The following TMEM132B variants were observed in gnomAD, a reference collection of about 807,000 sequenced individuals.
The protein encoded by TMEM132B is transmembrane protein 132B.
A neutral mutation model predicts 90.8 loss-of-function variants in TMEM132B; 18 were observed. The observed-to-expected ratio is 0.20, with a 90% CI of 0.14 to 0.29. The LOEUF (loss-of-function observed/expected upper bound fraction) is 0.29. Among genes scored for constraint, TMEM132B ranks in the 10% least tolerant of loss-of-function variants. The pLI, the probability that TMEM132B is intolerant of heterozygous loss-of-function variation, is 1.00. For missense variants in TMEM132B, 1,096 were observed against 1,326.8 expected (o/e 0.83, Z 2.70); for synonymous variants, 504 against 523.3 (o/e 0.96, Z 0.50).
intron 5 of TMEM132B, among the ~76,000 whole-genome samples, chr12:125,638,670 A>G (rs147860332): frequency 0.013 from 1,984 of 152,170 alleles, 34 homozygotes; most frequent in African/African-American, 0.044. Context: ...GGGAAGCCCA[A>G]CGTGCAGTCA....
chr12:125,572,009 C>T (rs1592999865), intron 4 of TMEM132B, among the ~76,000 whole-genome samples: 1 of 152,302 alleles, frequency 6.6e-6, no homozygotes, highest in East Asian at 1.9e-4. Context: ...GGAACAGTTT[C>T]CTAGTCTTTG....
chr12:125,548,956 GAA>G (rs1566070173), intron 4 of TMEM132B, among the ~76,000 whole-genome samples: 1 of 152,126 alleles, frequency 6.6e-6, no homozygotes, highest in Non-Finnish European at 1.5e-5. Context: ...TACCCTGTGA[GAA>G]AATAACTTGG....
At chr12:125,374,633 AC>A (rs986913693) in intron 2 of TMEM132B, among the ~76,000 whole-genome samples, 1 of 150,152 alleles carries the variant, frequency 6.7e-6, no homozygotes, top group African/African-American at 2.5e-5. Flanking sequence ...TCTGCCCTGC[AC>A]CCCCCGACCC....
chr12:125,630,111 G>A (rs1214221865), intron 5 of TMEM132B, among the ~76,000 whole-genome samples: 1 of 151,980 alleles, frequency 6.6e-6, no homozygotes, highest in Non-Finnish European at 1.5e-5. Context: ...TTTTTCTGAT[G>A]TCTTTGCCTG....
chr12:125,217,756 C>T (rs1873470002), intron 1 of TMEM132B, among the ~76,000 whole-genome samples: 2 of 152,182 alleles, frequency 1.3e-5, no homozygotes, highest in Admixed American at 1.3e-4. Context: ...GCCTGGCCTT[C>T]CTTCCTTTAA....
chr12:125,362,743 C>T (rs768240593), intron 2 of TMEM132B, among the ~76,000 whole-genome samples: 1 of 152,164 alleles, frequency 6.6e-6, no homozygotes, highest in Non-Finnish European at 1.5e-5. Flanking sequence ...TTGGCTTATT[C>T]ATCTATGACT....
At chr12:125,326,476 A>T in intron 1 of TMEM132B, 1 of 867,396 alleles carries the variant, frequency 1.2e-6, no homozygotes, top group East Asian at 2.7e-5. Context: ...GGAGCACATG[A>T]GCTCTGACAT....
chr12:125,519,349 A>G, intron 3 of TMEM132B, 90 bp from the exon 4 acceptor site: 1 of 1,352,868 alleles, frequency 7.4e-7, no homozygotes, highest in South Asian at 1.4e-5. Flanking sequence ...CTTTTGGTTG[A>G]CAAATAAGAA....
intron 3 of TMEM132B, among the ~76,000 whole-genome samples, chr12:125,420,657 C>G (rs926373406): frequency 2.6e-5 from 4 of 152,212 alleles, no homozygotes; most frequent in Non-Finnish European, 5.9e-5. Flanking sequence ...TTTGACTCCT[C>G]ATTACATATG....
chr12:125,570,507 C>G (rs1421839823), intron 4 of TMEM132B, among the ~76,000 whole-genome samples: 1 of 152,236 alleles, frequency 6.6e-6, no homozygotes, highest in Non-Finnish European at 1.5e-5. Context: ...CGGTCCTTAA[C>G]AGAGTCACAT....
intron 4 of TMEM132B, among the ~76,000 whole-genome samples, chr12:125,537,507 C>T (rs890826871): frequency 3.9e-5 from 6 of 152,102 alleles, no homozygotes; most frequent in East Asian, 1.9e-4. Context: ...TCACCTGGGG[C>T]GGACATCCAT....
intron 2 of TMEM132B, among the ~76,000 whole-genome samples, chr12:125,409,744 T>G (rs1593128804): frequency 7.2e-5 from 1 of 13,976 alleles, no homozygotes; most frequent in Non-Finnish European, 1.3e-4. Flanking sequence ...TGGAGTGGAG[T>G]GGAGTGAGTG....
At chr12:125,390,634 G>A (rs1042252659) in intron 2 of TMEM132B, among the ~76,000 whole-genome samples, 31 of 152,272 alleles carry the variant, frequency 2.0e-4, no homozygotes, top group Middle Eastern at 3.4e-3. Flanking sequence ...GTTCTGTCTC[G>A]GATCATTTTT....
At chr12:125,606,757 G>A (rs1008341577) in intron 5 of TMEM132B, among the ~76,000 whole-genome samples, 6 of 152,180 alleles carry the variant, frequency 3.9e-5, no homozygotes, top group African/African-American at 1.2e-4. Flanking sequence ...CTCCAGTCCC[G>A]GTGACCTGGG....
At chr12:125,330,119 G>A (rs902086163) in intron 1 of TMEM132B, among the ~76,000 whole-genome samples, 5 of 152,156 alleles carry the variant, frequency 3.3e-5, no homozygotes, top group South Asian at 4.1e-4. Context: ...GTGTGGTGTG[G>A]GTGCGTCCCC....
chr12:125,525,639 A>G (rs1420560894), intron 4 of TMEM132B, among the ~76,000 whole-genome samples: 2 of 152,200 alleles, frequency 1.3e-5, no homozygotes, highest in Non-Finnish European at 2.9e-5. Context: ...AATCTCAGGT[A>G]TTTTGTTGTA....
At chr12:125,389,321 C>A (rs1269194537) in intron 2 of TMEM132B, among the ~76,000 whole-genome samples, 1 of 150,240 alleles carries the variant, frequency 6.7e-6, no homozygotes, top group Non-Finnish European at 1.5e-5. Flanking sequence ...CCTTTCCTCC[C>A]CCTCCTCCTC....
chr12:125,373,827 C>G (rs1011705309), intron 2 of TMEM132B, among the ~76,000 whole-genome samples: 15 of 151,968 alleles, frequency 9.9e-5, no homozygotes, highest in African/African-American at 3.6e-4. Flanking sequence ...CGGAGTTTCA[C>G]TCTGTCTCCC....
chr12:125,481,556 G>A (rs1287018968), intron 3 of TMEM132B, among the ~76,000 whole-genome samples: 4 of 152,166 alleles, frequency 2.6e-5, no homozygotes, highest in Admixed American at 6.6e-5. Flanking sequence ...GGATGTGAAG[G>A]ATCTCTTCAA....
Sources: gnomAD v4.1 joint callset for allele counts (sites outside exome capture counted in the v4.1 genomes callset) on GRCh38, gnomAD v4.1.1 for gene constraint, MANE v1.5 for transcripts, NCBI Gene and HGNC (gene_info 2026-07-23, HGNC 2026-07-21) for gene names.